Variants in JMY observed in about 807,000 individuals in gnomAD.
JMY encodes junction mediating and regulatory protein, p53 cofactor.
A neutral mutation model predicts 103.3 loss-of-function variants in JMY; 46 were observed. The ratio of observed to expected loss-of-function variants is 0.45; its 90% CI spans 0.35 to 0.57. The LOEUF (loss-of-function observed/expected upper bound fraction) is 0.57. JMY is among the 20% of genes least tolerant of loss of function. JMY has a pLI of 0.00. For missense variants in JMY, 1,238 were observed against 1,255.2 expected, an observed-to-expected ratio of 0.99 and a Z score of 0.21; for synonymous variants, 526 against 489.3, an observed-to-expected ratio of 1.07 and a Z score of -0.99.
chr5:79,314,609 C>G lies in JMY; in HGVS notation c.2417C>G (p.Pro806Arg). The G allele has an allele frequency of 6.2e-7, 1 of 1,613,296 alleles. No homozygotes were observed. Among genetic ancestry groups the G allele is most frequent in the Non-Finnish European group, 8.5e-7 (1 of 1,179,544 alleles). ...CSVTINPLPS[P>R]LPPTPPPPPP... ...GTTACCATAAATCCACTCCCATCCC[C>G]TCTTCCTCCAACACCACCACCTCCC... The change falls in exon 9 of 11, where the codon CCT becomes CGT. Residue 806 changes from proline to arginine, a missense_variant. Pro to Arg is a moderately radical substitution (Grantham distance 103). Coordinates refer to ENST00000396137, the MANE Select transcript of JMY (RefSeq NM_152405.5).
intron 2 of JMY, chr5:79,285,062 T>G: frequency 1.7e-6 from 1 of 591,594 alleles, no homozygotes; most frequent in Non-Finnish European, 3.0e-6. Context: ...TGATCAACCA[T>G]AAGCACTTCA....
chr5:79,296,730 AT>A (rs1746574328), intron 4 of JMY, among the ~76,000 whole-genome samples: 1 of 152,168 alleles, frequency 6.6e-6, no homozygotes, highest in Admixed American at 6.5e-5. Flanking sequence ...CTCAGTGAGT[AT>A]TTTTTGAATG....
In JMY at chr5:79,324,585, C is replaced by T. The variant is rs1487711005; in HGVS notation, c.*2983C>T. On this transcript the variant is annotated 3_prime_UTR_variant, in exon 11 of 11. Transcript: ENST00000396137. The stretch of plus-strand genomic sequence containing the variant: ...GCAACCAAAATTATAACCAATGTAG[C>T]ATGTGTAGGAAAGGTATTTTTAATT... 2 of 152,138 alleles carry T rather than the reference C, an allele frequency of 1.3e-5. No individual in the cohort carries two copies. Among genetic ancestry groups the T allele is most frequent in the Non-Finnish European group, 2.9e-5 (2 of 68,024 alleles). 9.4% of individuals were successfully genotyped at this position (152,138 alleles called of 1,614,324 possible). A position where few individuals can be genotyped will look rare whatever the true frequency, so the allele number is the denominator to read the frequency against.
At chr5:79,269,924 T>C (rs538644228) in intron 1 of JMY, among the ~76,000 whole-genome samples, 37 of 152,052 alleles carry the variant, frequency 2.4e-4, no homozygotes, top group African/African-American at 8.9e-4. Context: ...ATACATGATG[T>C]CCTACTATGT....
chr5:79,292,381 A>C (rs2112099609), intron 4 of JMY, among the ~76,000 whole-genome samples: 1 of 152,110 alleles, frequency 6.6e-6, no homozygotes. Flanking sequence ...CTGGAGTGCG[A>C]TCACAACTCA....
chr5:79,263,496 T>C (rs1316240478), intron 1 of JMY, among the ~76,000 whole-genome samples: 2 of 152,078 alleles, frequency 1.3e-5, no homozygotes, highest in East Asian at 3.9e-4. Context: ...CGGGCTCAAG[T>C]GATCCTGCAG....
chr5:79,306,287 A>G (rs951044028), intron 6 of JMY, 88 bp from the exon 7 acceptor site: 1 of 858,224 alleles, frequency 1.2e-6, no homozygotes, highest in East Asian at 2.5e-5. Context: ...TGTAGGTGGT[A>G]TATATTAAGA....
intron 7 of JMY, among the ~76,000 whole-genome samples, chr5:79,308,517 C>G (rs1207109583): frequency 6.6e-6 from 1 of 152,080 alleles, no homozygotes; most frequent in Admixed American, 6.5e-5. Flanking sequence ...TCAGATGATT[C>G]TGTCTCTTCA....
chr5:79,301,884 C>T (rs182495222), intron 6 of JMY, among the ~76,000 whole-genome samples: 5,018 of 151,922 alleles, frequency 0.033, 113 homozygotes, highest in Non-Finnish European at 0.047. Context: ...GTCAGGAGTT[C>T]GAGACCAGCC....
chr5:79,256,022 A>T (rs1202753385), intron 1 of JMY, among the ~76,000 whole-genome samples: 2 of 152,228 alleles, frequency 1.3e-5, no homozygotes, highest in African/African-American at 4.8e-5. Context: ...TTCCCTTCAG[A>T]GGGAAGAATT....
rs1182810712 is a variant in JMY at position 79,236,827 on chromosome 5, G to A, written c.177G>A (p.Arg59=). ...RTAQRQRSGS[R]EQAGARGGAE... ...CCCAGAGGCAGAGGAGCGGCTCCCG[G>A]GAGCAAGCGGGGGCGCGAGGGGGCG... Residue 59 remains arginine (R), a synonymous_variant, in exon 1 of 11, where the codon CGG becomes CGA. Transcript: ENST00000396137. The A allele has an allele frequency of 2.7e-6, 4 of 1,465,920 alleles. No homozygotes were observed. Among genetic ancestry groups the A allele is most frequent in the Non-Finnish European group, 3.6e-6 (4 of 1,103,908 alleles). 90.8% of individuals were successfully genotyped at this position (1,465,920 alleles called of 1,614,324 possible).
chr5:79,251,625 A>ATT (rs796459953), intron 1 of JMY, among the ~76,000 whole-genome samples: 2 of 137,806 alleles, frequency 1.5e-5, no homozygotes. Flanking sequence ...CATTCATTCT[A>ATT]TTTTTTTTTT....
intron 1 of JMY, among the ~76,000 whole-genome samples, chr5:79,243,229 G>A (rs540296259): frequency 1.3e-5 from 2 of 152,254 alleles, no homozygotes; most frequent in South Asian, 4.2e-4. Flanking sequence ...TCCTCCCAAG[G>A]ATACCTTTGG....
At chr5:79,292,740 G>A (rs545955492) in intron 4 of JMY, among the ~76,000 whole-genome samples, 1 of 152,166 alleles carries the variant, frequency 6.6e-6, no homozygotes, top group Admixed American at 6.5e-5. Context: ...AGTTGGTCTA[G>A]AGTAGTAGAG....
At chr5:79,244,192 G>T (rs1415999158) in intron 1 of JMY, among the ~76,000 whole-genome samples, 1 of 151,900 alleles carries the variant, frequency 6.6e-6, no homozygotes, top group Non-Finnish European at 1.5e-5. Flanking sequence ...GTAGAGATGG[G>T]GTTTCACCAT....
At chr5:79,294,233 G>C (rs1311996547) in intron 4 of JMY, among the ~76,000 whole-genome samples, 2 of 151,836 alleles carry the variant, frequency 1.3e-5, no homozygotes, top group Non-Finnish European at 2.9e-5. Context: ...GCAAAACCCT[G>C]TCTCTACTAA....
intron 1 of JMY, among the ~76,000 whole-genome samples, chr5:79,264,877 TGA>T (rs1265521236): frequency 6.6e-6 from 1 of 152,174 alleles, no homozygotes; most frequent in South Asian, 2.1e-4. Flanking sequence ...GTAAATGCAG[TGA>T]GAGAAAGAGT....
intron 2 of JMY, among the ~76,000 whole-genome samples, chr5:79,278,371 C>T (rs1319961521): frequency 1.3e-5 from 2 of 151,850 alleles, no homozygotes; most frequent in Non-Finnish European, 2.9e-5. Context: ...TTCCTATTTT[C>T]TCCCTTTCCT....
At chr5:79,304,425 A>C (rs1404742597) in intron 6 of JMY, among the ~76,000 whole-genome samples, 2 of 152,194 alleles carry the variant, frequency 1.3e-5, no homozygotes, top group Non-Finnish European at 2.9e-5. Flanking sequence ...TTGCATACAC[A>C]GTTCATGTCC....
Sources: gnomAD v4.1 joint callset for allele counts (sites outside exome capture counted in the v4.1 genomes callset) on GRCh38, gnomAD v4.1.1 for gene constraint, MANE v1.5 for transcripts, NCBI Gene and HGNC (gene_info 2026-07-23, HGNC 2026-07-21) for gene names.